Variants in NME7 observed in about 807,000 individuals in gnomAD.
NME7 encodes the protein NME/NM23 family member 7.
A neutral mutation model predicts 49.1 loss-of-function variants in NME7; 41 were observed. That is an observed-to-expected ratio of 0.83 (90% CI 0.65 to 1.08). The LOEUF (loss-of-function observed/expected upper bound fraction) is 1.08, where lower values mean the gene tolerates loss of function less well. Ranked by LOEUF, NME7 falls within the 50% of genes least tolerant of loss-of-function variation. The probability of loss-of-function intolerance (pLI) is 0.00; values close to 1 mark genes in which losing one functional copy is unlikely to be tolerated. For missense variants in NME7, 423 were observed against 463.4 expected, an observed-to-expected ratio of 0.91 and a Z score of 0.80; for synonymous variants, 139 against 150.6, an observed-to-expected ratio of 0.92 and a Z score of 0.56.
At chr1:169,331,716 A>T (rs1002822078) in intron 1 of NME7, among the ~76,000 whole-genome samples, 1 of 152,098 alleles carries the variant, frequency 6.6e-6, no homozygotes, top group African/African-American at 2.4e-5. Flanking sequence ...TCCCATTTAC[A>T]ATAGCCACAA....
At chr1:169,283,461 G>A (rs1242037560) in intron 7 of NME7, among the ~76,000 whole-genome samples, 1 of 152,132 alleles carries the variant, frequency 6.6e-6, no homozygotes, top group Non-Finnish European at 1.5e-5. Flanking sequence ...GGTTAATACT[G>A]TTAGTTGTGA....
At chr1:169,337,652 C>G (rs1041679388) in intron 1 of NME7, among the ~76,000 whole-genome samples, 1 of 152,096 alleles carries the variant, frequency 6.6e-6, no homozygotes, top group Non-Finnish European at 1.5e-5. Context: ...AATAGCAGAT[C>G]ATTAAAAATG....
chr1:169,175,822 C>T (rs1243671205), intron 10 of NME7, among the ~76,000 whole-genome samples: 1 of 152,086 alleles, frequency 6.6e-6, no homozygotes, highest in Non-Finnish European at 1.5e-5. Context: ...GCTAGTATAG[C>T]TCAAGTCCTA....
intron 10 of NME7, among the ~76,000 whole-genome samples, chr1:169,180,836 G>T (rs1041581012): frequency 7.2e-5 from 11 of 151,974 alleles, no homozygotes; most frequent in African/African-American, 2.7e-4. Flanking sequence ...TTCAAGTCCT[G>T]GGTGTGTATT....
intron 11 of NME7, among the ~76,000 whole-genome samples, chr1:169,152,880 G>A (rs1373475397): frequency 6.6e-6 from 1 of 151,998 alleles, no homozygotes; most frequent in African/African-American, 2.4e-5. Context: ...CAGTTTTCTA[G>A]AGCCTAAGTA....
chr1:169,294,432 T>C (rs1231223395), intron 6 of NME7, among the ~76,000 whole-genome samples: 2 of 152,068 alleles, frequency 1.3e-5, no homozygotes, highest in African/African-American at 2.4e-5. Context: ...GGAATGAAAA[T>C]AGTGAGTATA....
chr1:169,332,265 T>C (rs1212500235), intron 1 of NME7, among the ~76,000 whole-genome samples: 1 of 152,090 alleles, frequency 6.6e-6, no homozygotes, highest in Admixed American at 6.6e-5. Context: ...TAGATGTCTA[T>C]ATGCAGAAGA....
chr1:169,195,156 A>C (rs1046786948), intron 10 of NME7, among the ~76,000 whole-genome samples: 1 of 152,232 alleles, frequency 6.6e-6, no homozygotes, highest in African/African-American at 2.4e-5. Context: ...ACCAGGTAGA[A>C]CAGAGTTAAG....
At chr1:169,342,947 GTATTAGTATATA>G (rs1463843536) in intron 1 of NME7, among the ~76,000 whole-genome samples, 1 of 27,124 alleles carries the variant, frequency 3.7e-5, no homozygotes, top group Admixed American at 5.0e-4. Context: ...ATATATACTT[GTATTAGTATATA>G]TATATATATA....
intron 1 of NME7, among the ~76,000 whole-genome samples, chr1:169,359,472 G>A (rs1653582070): frequency 1.3e-5 from 2 of 151,686 alleles, no homozygotes; most frequent in Non-Finnish European, 2.9e-5. Flanking sequence ...ATCTCTGTGT[G>A]TGTGTGTATA....
At chr1:169,286,929 G>A (rs1390524238) in intron 7 of NME7, 3 of 150,938 alleles carry the variant, frequency 2.0e-5, no homozygotes, top group Non-Finnish European at 4.0e-5. Flanking sequence ...ACTCCAGCTT[G>A]GACAACAGAA....
intron 10 of NME7, among the ~76,000 whole-genome samples, chr1:169,192,270 A>C (rs901060178): frequency 6.6e-6 from 1 of 152,206 alleles, no homozygotes; most frequent in Admixed American, 6.5e-5. Flanking sequence ...AAGGAAAGAC[A>C]GTATAGCTGG....
chr1:169,280,003 G>C (rs919476807), intron 7 of NME7, among the ~76,000 whole-genome samples: 4 of 152,170 alleles, frequency 2.6e-5, no homozygotes, highest in African/African-American at 9.7e-5. Flanking sequence ...GGGCCAAATG[G>C]TATTTCCAAT....
chr1:169,357,547 A>G (rs1490874660), intron 1 of NME7, among the ~76,000 whole-genome samples: 1 of 152,136 alleles, frequency 6.6e-6, no homozygotes, highest in African/African-American at 2.4e-5. Context: ...GAAGCCATTC[A>G]TTCTTTGCAT....
chr1:169,281,329 TTA>T (rs1650003737), intron 7 of NME7, among the ~76,000 whole-genome samples: 1 of 152,216 alleles, frequency 6.6e-6, no homozygotes, highest in Non-Finnish European at 1.5e-5. Context: ...CTGAAGTTGC[TTA>T]TCAGCATAAG....
intron 6 of NME7, among the ~76,000 whole-genome samples, chr1:169,292,634 G>A (rs1650549651): frequency 6.6e-6 from 1 of 152,118 alleles, no homozygotes; most frequent in Non-Finnish European, 1.5e-5. Flanking sequence ...TCACTGGAAC[G>A]CCTTGGAAAC....
At chr1:169,206,686 T>C (rs1200098368) in intron 10 of NME7, among the ~76,000 whole-genome samples, 1 of 152,150 alleles carries the variant, frequency 6.6e-6, no homozygotes, top group Non-Finnish European at 1.5e-5. Context: ...TAAAATAAAA[T>C]TATCAGAATA....
At chr1:169,227,280 GTGT>G (rs1647384025) in intron 10 of NME7, among the ~76,000 whole-genome samples, 1 of 152,108 alleles carries the variant, frequency 6.6e-6, no homozygotes, top group Non-Finnish European at 1.5e-5. Context: ...TAGCCCCAAA[GTGT>G]TGTTGTTTTA....
intron 7 of NME7, among the ~76,000 whole-genome samples, chr1:169,265,803 A>G (rs1012035110): frequency 7.5e-6 from 1 of 132,864 alleles, no homozygotes; most frequent in Non-Finnish European, 1.8e-5. Flanking sequence ...GACCCCACAG[A>G]AATACAAAGA....
Sources: allele counts gnomAD v4.1 joint callset (sites outside exome capture counted in the v4.1 genomes callset), GRCh38; gene constraint gnomAD v4.1.1; transcripts MANE v1.5; gene names NCBI Gene and HGNC (gene_info 2026-07-23, HGNC 2026-07-21).